The following ST18 variants were observed in gnomAD, a reference collection of about 807,000 sequenced individuals.
The protein encoded by ST18 is suppression of tumorigenicity 18 protein.
A neutral mutation model predicts 110.0 loss-of-function variants in ST18; 50 were observed. The observed-to-expected ratio is 0.45, with a 90% confidence interval of 0.36 to 0.58. The LOEUF (loss-of-function observed/expected upper bound fraction) is 0.58. Among genes scored for constraint, ST18 ranks in the 20% least tolerant of loss-of-function variants. ST18 has a pLI of 0.00. For synonymous variants in ST18, 461 were observed against 452.4 expected (o/e 1.02, Z -0.24); for missense variants, 1,306 against 1,280.1 (o/e 1.02, Z -0.31).
At chr8:52,206,796 C>G (rs1359954543) in intron 8 of ST18, 3 of 152,164 alleles carry the variant, frequency 2.0e-5, no homozygotes, top group African/African-American at 7.2e-5. Context: ...AGTAGTTATG[C>G]TATTAAATCT....
At chr8:52,130,062 A>AG (rs2048619845) in intron 22 of ST18, among the ~76,000 whole-genome samples, 1 of 141,344 alleles carries the variant, frequency 7.1e-6, no homozygotes, top group African/African-American at 2.7e-5. Context: ...GAAAGAAAGA[A>AG]AGAGAGAGAG....
At chr8:52,280,359 A>C (rs1438479482) in intron 2 of ST18, among the ~76,000 whole-genome samples, 1 of 152,096 alleles carries the variant, frequency 6.6e-6, no homozygotes, top group Non-Finnish European at 1.5e-5. Flanking sequence ...CTTTATAAAA[A>C]TACAACTATA....
At chr8:52,379,774 A>G (rs964912998) in intron 2 of ST18, among the ~76,000 whole-genome samples, 5 of 152,312 alleles carry the variant, frequency 3.3e-5, no homozygotes, top group African/African-American at 7.2e-5. Flanking sequence ...CATCATTCAC[A>G]GTTGAGAGAA....
intron 8 of ST18, among the ~76,000 whole-genome samples, chr8:52,208,775 G>T (rs1023807170): frequency 6.6e-6 from 1 of 152,132 alleles, no homozygotes; most frequent in Non-Finnish European, 1.5e-5. Context: ...CCCAGATCGC[G>T]CCACTGCACT....
intron 8 of ST18, among the ~76,000 whole-genome samples, chr8:52,192,204 G>T (rs1398641184): frequency 1.3e-5 from 2 of 152,124 alleles, no homozygotes; most frequent in Non-Finnish European, 2.9e-5. Context: ...AATCAATGCT[G>T]ACAATGAATC....
chr8:52,360,122 C>G (rs1035277475), intron 2 of ST18, among the ~76,000 whole-genome samples: 1 of 152,064 alleles, frequency 6.6e-6, no homozygotes, highest in African/African-American at 2.4e-5. Flanking sequence ...TTTGGAGACA[C>G]TAGATAACTT....
intron 10 of ST18, among the ~76,000 whole-genome samples, chr8:52,169,552 T>A (rs1184606977): frequency 2.0e-5 from 3 of 152,168 alleles, no homozygotes; most frequent in African/African-American, 7.2e-5. Flanking sequence ...TCCTTAACAG[T>A]GAAGTTGCAT....
chr8:52,204,324 A>G (rs2079114665), intron 8 of ST18, among the ~76,000 whole-genome samples: 1 of 152,186 alleles, frequency 6.6e-6, no homozygotes, highest in Admixed American at 6.5e-5. Context: ...GAGTTTTTCT[A>G]AGTAATTAGT....
At chr8:52,294,435 G>C (rs1019519417) in intron 2 of ST18, 1 of 152,250 alleles carries the variant, frequency 6.6e-6, no homozygotes, top group African/African-American at 2.4e-5. Flanking sequence ...TCACTGTGAG[G>C]CCCCTCCCAT....
intron 2 of ST18, among the ~76,000 whole-genome samples, chr8:52,392,160 G>A (rs1259546833): frequency 1.3e-4 from 20 of 152,196 alleles, no homozygotes; most frequent in Admixed American, 1.3e-3. Context: ...CGAATTAAGA[G>A]TATCTACATG....
chr8:52,360,768 T>C (rs997825960), intron 2 of ST18, among the ~76,000 whole-genome samples: 1 of 152,180 alleles, frequency 6.6e-6, no homozygotes, highest in African/African-American at 2.4e-5. Context: ...GAGAACAATG[T>C]AATTGTTGGG....
At chr8:52,397,620 G>A (rs1239176438) in intron 2 of ST18, among the ~76,000 whole-genome samples, 1 of 152,084 alleles carries the variant, frequency 6.6e-6, no homozygotes, top group Non-Finnish European at 1.5e-5. Flanking sequence ...TCCATTTTGA[G>A]ATTTTTGTAT....
intron 10 of ST18, 68 bp from the exon 11 acceptor site, chr8:52,167,054 C>A (rs755878973): frequency 6.6e-7 from 1 of 1,521,688 alleles, no homozygotes; most frequent in South Asian, 1.3e-5. Context: ...AATAGAATGG[C>A]CTTGCAGGGT....
intron 23 of ST18, among the ~76,000 whole-genome samples, chr8:52,123,389 TTA>T (rs2045764049): frequency 1.3e-5 from 2 of 152,226 alleles, no homozygotes; most frequent in African/African-American, 4.8e-5. Flanking sequence ...TACATCTACT[TTA>T]AAGATCATCC....
chr8:52,355,836 G>C (rs571029114), intron 2 of ST18, among the ~76,000 whole-genome samples: 2 of 152,118 alleles, frequency 1.3e-5, no homozygotes, highest in African/African-American at 4.8e-5. Flanking sequence ...TTGATCTGTC[G>C]AGTAGCTCCC....
chr8:52,244,611 C>T (rs1433126700), intron 2 of ST18, among the ~76,000 whole-genome samples: 1 of 152,180 alleles, frequency 6.6e-6, no homozygotes, highest in Non-Finnish European at 1.5e-5. Flanking sequence ...AGCATCCACT[C>T]CTATCCCTGT....
chr8:52,172,437 C>A lies in ST18; in HGVS notation c.424G>T (p.Val142Phe). ...HLGKFEKNVS[V>F]QTVSENLNDS... ...TTTAAATTTTCACTTACAGTCTGAA[C>A]AGATACATTTTTTTCAAATTTCCCC... The change falls in exon 10 of 26, where the codon GTT becomes TTT. Residue 142 changes from valine (V) to phenylalanine (F), a missense_variant. Val to Phe is a conservative substitution (Grantham distance 50). Coordinates refer to ENST00000689386, the MANE Select transcript of ST18 (RefSeq NM_001352837.2). The A allele has an allele frequency of 1.2e-6, 2 of 1,613,866 alleles. No individual in the cohort carries two copies. The highest frequency in any genetic ancestry group is 1.7e-6 in the Non-Finnish European group (2 of 1,180,022).
intron 2 of ST18, among the ~76,000 whole-genome samples, chr8:52,259,628 A>G (rs1163248266): frequency 1.3e-5 from 2 of 152,218 alleles, no homozygotes; most frequent in Non-Finnish European, 2.9e-5. Context: ...AATGGTAGCT[A>G]AGACTTATTC....
intron 2 of ST18, among the ~76,000 whole-genome samples, chr8:52,322,369 G>C (rs1010435233): frequency 3.3e-5 from 5 of 152,018 alleles, no homozygotes; most frequent in African/African-American, 1.2e-4. Context: ...TGCAACAAAG[G>C]GCAGTTTTCA....
Sources: allele counts gnomAD v4.1 joint callset (sites outside exome capture counted in the v4.1 genomes callset), GRCh38; gene constraint gnomAD v4.1.1; transcripts MANE v1.5; gene names NCBI Gene and HGNC (gene_info 2026-07-23, HGNC 2026-07-21).